FILIP1L: variants seen among roughly 807,000 people sequenced by gnomAD.
The protein encoded by FILIP1L is filamin A interacting protein 1 like, also known as filamin A-interacting protein 1-like.
A neutral mutation model predicts 96.6 loss-of-function variants in FILIP1L; 55 were observed. The observed-to-expected ratio is 0.57, with a 90% CI of 0.46 to 0.71. The LOEUF (loss-of-function observed/expected upper bound fraction) is 0.71. FILIP1L is among the 30% of genes least tolerant of loss of function. The probability of loss-of-function intolerance (pLI) is 0.00; values close to 1 mark genes in which losing one functional copy is unlikely to be tolerated. For missense variants in FILIP1L, 1,304 were observed against 1,321.2 expected (o/e 0.99, Z 0.20); for synonymous variants, 467 against 473.9 (o/e 0.99, Z 0.19).
intron 1 of FILIP1L, among the ~76,000 whole-genome samples, chr3:99,969,627 G>A (rs1708755697): frequency 6.6e-6 from 1 of 152,198 alleles, no homozygotes; most frequent in Non-Finnish European, 1.5e-5. Flanking sequence ...CCAGAGATTG[G>A]AGAGCAGAGG....
intron 1 of FILIP1L, among the ~76,000 whole-genome samples, chr3:100,081,715 A>G (rs113556400): frequency 1.3e-5 from 2 of 152,192 alleles, no homozygotes; most frequent in Admixed American, 1.3e-4. Flanking sequence ...TAAATAGTAA[A>G]TGTTACAATG....
chr3:100,049,673 T>G (rs906914215), intron 1 of FILIP1L, among the ~76,000 whole-genome samples: 2 of 152,196 alleles, frequency 1.3e-5, no homozygotes, highest in African/African-American at 4.8e-5. Flanking sequence ...CCCTTCTTCC[T>G]CCTCCTTCTC....
At chr3:100,084,119 A>T (rs550981597) in intron 1 of FILIP1L, among the ~76,000 whole-genome samples, 3 of 152,326 alleles carry the variant, frequency 2.0e-5, no homozygotes, top group African/African-American at 7.2e-5. Context: ...GCCTCGGGCC[A>T]TGAGACCCAT....
In FILIP1L at chr3:99,829,120, A is replaced by C. The variant is rs1315440276; in HGVS notation, c.*1294T>G. ...CTTTACTCTTGCTCTGCTGGCTCCA[A>C]CCCAGGGCAGCTGGCTAAAGCAGTC... is the stretch of plus-strand genomic sequence containing the variant. On this transcript the variant is annotated 3_prime_UTR_variant, in exon 6 of 6. Transcript: ENST00000477258. Among the ~76,000 whole-genome samples the C allele has an allele frequency of 1.3e-5, 2 of 152,082 alleles. No individual in the cohort carries two copies. Among genetic ancestry groups the C allele is most frequent in the East Asian group, 3.9e-4 (2 of 5,180 alleles).
chr3:99,858,731 A>G (rs532217869), intron 4 of FILIP1L, among the ~76,000 whole-genome samples: 13 of 152,298 alleles, frequency 8.5e-5, no homozygotes, highest in African/African-American at 3.1e-4. Context: ...CTTCTGAGAG[A>G]ATGAGAGAGA....
intron 1 of FILIP1L, among the ~76,000 whole-genome samples, chr3:100,099,815 T>G (rs1172648737): frequency 1.3e-5 from 2 of 152,144 alleles, no homozygotes; most frequent in Non-Finnish European, 2.9e-5. Flanking sequence ...TTTGAACCAC[T>G]TAAGTATGGT....
At position 99,914,711 on chromosome 3, in the gene FILIP1L, A is replaced by G. The variant is rs762678627; in HGVS notation, c.605+9519T>C. ...AACTTTTGACTTAGCAATTTCACAT[A>G]TAAGAATTCTAAAACAATAATCAGA... On this transcript the variant is annotated intron_variant, in intron 4 of 5. Coordinates refer to ENST00000477258, the MANE Select transcript of FILIP1L (RefSeq NM_001387850.1). 2.6e-5 allele frequency among the ~76,000 whole-genome samples: 4 copies of G among 152,268 alleles called. No individual in the cohort carries two copies. In the South Asian group the frequency reaches 8.3e-4, roughly 31 times the overall value.
intron 1 of FILIP1L, among the ~76,000 whole-genome samples, chr3:100,103,985 A>G (rs1483366026): frequency 6.6e-6 from 1 of 152,214 alleles, no homozygotes; most frequent in African/African-American, 2.4e-5. Flanking sequence ...GTTTTCAGTT[A>G]GTAGAAGCGT....
intron 1 of FILIP1L, among the ~76,000 whole-genome samples, chr3:99,933,173 G>T (rs927492605): frequency 1.3e-5 from 2 of 152,144 alleles, no homozygotes; most frequent in African/African-American, 2.4e-5. Context: ...AAATCATGCC[G>T]TAATGTCATT....
intron 1 of FILIP1L, among the ~76,000 whole-genome samples, chr3:99,997,266 AAGG>A (rs544081411): frequency 6.6e-6 from 1 of 152,222 alleles, no homozygotes; most frequent in Non-Finnish European, 1.5e-5. Context: ...GAAATGATAA[AAGG>A]AGGCATTTTT....
In FILIP1L at chr3:99,833,314, A is replaced by G. The variant is rs561322827; in HGVS notation, c.3382-2709T>C. 2.7e-6 allele frequency: 4 copies of G among 1,483,590 alleles called. No homozygotes were observed. The African/African-American group carries it at 5.6e-5, about 21-fold the overall frequency. 91.9% of individuals were successfully genotyped at this position (1,483,590 alleles called of 1,614,324 possible). On this transcript the variant is annotated intron_variant, in intron 5 of 5. Coordinates refer to ENST00000477258, the MANE Select transcript of FILIP1L (RefSeq NM_001387850.1). ...AAATTTGTGGAATATATTAAATTCTAAAAGTGTTGGTTTGTTTTATCCATA... is the reference window on the plus strand; with the variant it reads ...AAATTTGTGGAATATATTAAATTCTGAAAGTGTTGGTTTGTTTTATCCATA...
intron 1 of FILIP1L, among the ~76,000 whole-genome samples, chr3:100,042,799 A>G (rs1460343921): frequency 6.6e-6 from 1 of 152,234 alleles, no homozygotes; most frequent in Non-Finnish European, 1.5e-5. Context: ...CACGTTTTAA[A>G]GTTCCTAACA....
chr3:99,916,128 T>G (rs967585103), intron 4 of FILIP1L, among the ~76,000 whole-genome samples: 2 of 152,196 alleles, frequency 1.3e-5, no homozygotes, highest in Non-Finnish European at 2.9e-5. Flanking sequence ...GCATTTTAGT[T>G]GGTAGACTGC....
chr3:99,933,988 G>A (rs1293000964), intron 1 of FILIP1L, among the ~76,000 whole-genome samples: 1 of 152,154 alleles, frequency 6.6e-6, no homozygotes, highest in Non-Finnish European at 1.5e-5. Flanking sequence ...TCTGGGCCTG[G>A]ATGGTCTAAG....
At chr3:99,876,665 T>G (rs1166301614) in intron 4 of FILIP1L, among the ~76,000 whole-genome samples, 1 of 152,232 alleles carries the variant, frequency 6.6e-6, no homozygotes, top group Non-Finnish European at 1.5e-5. Flanking sequence ...TTCTCTTTCC[T>G]CTTTGTAATG....
rs1031654868 is a variant in FILIP1L at position 100,106,881 on chromosome 3, A to G, written c.-11+7172T>C. 5.3e-5 allele frequency among the ~76,000 whole-genome samples: 8 copies of G among 152,208 alleles called. No individual in the cohort carries two copies. The South Asian group carries it at 6.2e-4, about 12-fold the overall frequency. Reference sequence around the variant, plus strand: ...TGTTGCTTTTTAAAAATATGCAGAAAGTTAATAAGATAACAGAAGTATGCT... The same window carrying G: ...TGTTGCTTTTTAAAAATATGCAGAAGGTTAATAAGATAACAGAAGTATGCT... On this transcript the variant is annotated intron_variant, in intron 1 of 5. Coordinates refer to ENST00000477258, the MANE Select transcript of FILIP1L (RefSeq NM_001387850.1).
At chr3:100,034,248 G>C (rs576714156) in intron 1 of FILIP1L, among the ~76,000 whole-genome samples, 1 of 152,140 alleles carries the variant, frequency 6.6e-6, no homozygotes, top group Non-Finnish European at 1.5e-5. Context: ...CTCAGAATGG[G>C]GGGAAAAAGC....
chr3:99,890,024 CT>C (rs1229489262), intron 4 of FILIP1L, among the ~76,000 whole-genome samples: 1 of 152,118 alleles, frequency 6.6e-6, no homozygotes, highest in Non-Finnish European at 1.5e-5. Context: ...TCTGGGACCA[CT>C]TTCCTTCAAT....
chr3:99,880,105 AGGACGAAGGCTGAAG>A (rs1705673311), intron 4 of FILIP1L, among the ~76,000 whole-genome samples: 1 of 152,138 alleles, frequency 6.6e-6, no homozygotes, highest in South Asian at 2.1e-4. Context: ...TACACAACTT[AGGACGAAGGCTGAAG>A]GGACCTGTAG....
Sources: gnomAD v4.1 joint callset for allele counts (sites outside exome capture counted in the v4.1 genomes callset) on GRCh38, gnomAD v4.1.1 for gene constraint, MANE v1.5 for transcripts, NCBI Gene and HGNC (gene_info 2026-07-23, HGNC 2026-07-21) for gene names.